The following PLPP4 variants were observed in gnomAD, a reference collection of about 807,000 sequenced individuals.
PLPP4 encodes phospholipid phosphatase 4.
A neutral mutation model predicts 32.2 loss-of-function variants in PLPP4; 20 were observed. That is an observed-to-expected ratio of 0.62 (90% CI 0.44 to 0.90). The LOEUF (loss-of-function observed/expected upper bound fraction) is 0.90. Ranked by LOEUF, PLPP4 falls within the 40% of genes least tolerant of loss-of-function variation. PLPP4 has a pLI of 0.00. For missense variants in PLPP4, 257 were observed against 353.1 expected (o/e 0.73, Z 2.18); for synonymous variants, 127 against 133.0 (o/e 0.95, Z 0.31).
chr10:120,552,323 GT>G (rs1289462513), intron 5 of PLPP4, among the ~76,000 whole-genome samples: 2 of 152,060 alleles, frequency 1.3e-5, no homozygotes, highest in African/African-American at 2.4e-5. Flanking sequence ...CTAAACTCAG[GT>G]ATTTGGCTGC....
chr10:120,461,561 A>G (rs1289448697), intron 1 of PLPP4, among the ~76,000 whole-genome samples: 3 of 152,174 alleles, frequency 2.0e-5, no homozygotes, highest in South Asian at 2.1e-4. Context: ...CAGGGTGCAC[A>G]GGTAATGGTG....
chr10:120,580,878 A>C (rs1042790572), intron 6 of PLPP4: 3 of 1,288,928 alleles, frequency 2.3e-6, no homozygotes, highest in Non-Finnish European at 3.0e-6. Flanking sequence ...AATTGATGTC[A>C]CCTCATTTTC....
chr10:120,479,798 T>G (rs1025352237), intron 1 of PLPP4, among the ~76,000 whole-genome samples: 6 of 152,224 alleles, frequency 3.9e-5, no homozygotes, highest in Non-Finnish European at 8.8e-5. Flanking sequence ...GATGAAATGG[T>G]GACAGATGGC....
intron 5 of PLPP4, among the ~76,000 whole-genome samples, chr10:120,549,126 C>T (rs1847769166): frequency 6.6e-6 from 1 of 150,510 alleles, no homozygotes; most frequent in Non-Finnish European, 1.5e-5. Context: ...TTAATGAAAT[C>T]AATAAACTCC....
At chr10:120,574,164 ACACACTCTCTCTCTCT>A (rs1303660793) in intron 5 of PLPP4, among the ~76,000 whole-genome samples, 74 of 67,644 alleles carry the variant, frequency 1.1e-3, no homozygotes, top group East Asian at 3.9e-3. Context: ...ACACACACAC[ACACACTCTCTCTCTCT>A]CTCTCTCTCT....
chr10:120,493,684 G>A (rs894572051), intron 1 of PLPP4, among the ~76,000 whole-genome samples: 3 of 152,278 alleles, frequency 2.0e-5, no homozygotes, highest in Non-Finnish European at 4.4e-5. Context: ...GTGTGTTTAG[G>A]AGGGTACAGC....
intron 2 of PLPP4, among the ~76,000 whole-genome samples, chr10:120,512,538 A>G: frequency 6.6e-6 from 1 of 152,196 alleles, no homozygotes; most frequent in East Asian, 1.9e-4. Context: ...TTTGAGCTCT[A>G]GCAGTCTGGT....
intron 5 of PLPP4, among the ~76,000 whole-genome samples, chr10:120,555,356 T>C (rs904984682): frequency 6.6e-6 from 1 of 152,212 alleles, no homozygotes; most frequent in Non-Finnish European, 1.5e-5. Context: ...AATCACATTT[T>C]GTATTTTCCT....
chr10:120,589,422 T>G lies in PLPP4; in HGVS notation c.736T>G (p.Ser246Ala), dbSNP rs745778794. 1 of 1,614,016 alleles carries G rather than the reference T, an allele frequency of 6.2e-7. No homozygotes were observed. Among genetic ancestry groups the G allele is most frequent in the Non-Finnish European group, 8.5e-7 (1 of 1,179,966 alleles). ...CTACGTTAGTCTGCGAGTCCCAGCC[T>G]CACTGAAGAAAGAGGAGAGGCCCAC... ...KPYVSLRVPA[S>A]LKKEERPTAD... The change falls in exon 7 of 7, where the codon TCA becomes GCA. Residue 246 changes from serine (S) to alanine (A), a missense_variant. Transcript: ENST00000398250.
intron 5 of PLPP4, among the ~76,000 whole-genome samples, chr10:120,539,753 CA>C (rs1225702874): frequency 1.3e-5 from 2 of 152,180 alleles, no homozygotes; most frequent in African/African-American, 4.8e-5. Context: ...TGTTCTCTTT[CA>C]TGGGCTCTCC....
intron 1 of PLPP4, among the ~76,000 whole-genome samples, chr10:120,503,236 T>C (rs1193859559): frequency 6.6e-6 from 1 of 152,192 alleles, no homozygotes; most frequent in Non-Finnish European, 1.5e-5. Context: ...CCTCTCCAAC[T>C]GCATCTGAAG....
At chr10:120,547,380 G>A (rs1465384500) in intron 5 of PLPP4, among the ~76,000 whole-genome samples, 2 of 152,080 alleles carry the variant, frequency 1.3e-5, no homozygotes, top group East Asian at 1.9e-4. Flanking sequence ...ACTTGCAAGC[G>A]ATGCTTCCCA....
At chr10:120,564,787 C>A (rs1176100849) in intron 5 of PLPP4, among the ~76,000 whole-genome samples, 2 of 151,854 alleles carry the variant, frequency 1.3e-5, no homozygotes, top group African/African-American at 4.8e-5. Context: ...GAATTGTATT[C>A]ATTAATATTT....
At chr10:120,476,241 C>T (rs988756471) in intron 1 of PLPP4, among the ~76,000 whole-genome samples, 2 of 152,212 alleles carry the variant, frequency 1.3e-5, no homozygotes, top group Non-Finnish European at 2.9e-5. Context: ...CTCCAGCTCT[C>T]CAGCCCCAGG....
chr10:120,508,854 T>A (rs1845613370), intron 2 of PLPP4, among the ~76,000 whole-genome samples: 2 of 152,224 alleles, frequency 1.3e-5, no homozygotes, highest in South Asian at 4.1e-4. Flanking sequence ...ATCCTATGTG[T>A]CTGGTGACAA....
intron 1 of PLPP4, among the ~76,000 whole-genome samples, chr10:120,489,115 G>A (rs981051765): frequency 7.9e-5 from 12 of 152,166 alleles, no homozygotes; most frequent in Admixed American, 2.6e-4. Flanking sequence ...AATAAGGAGC[G>A]GTTCAGGCAG....
chr10:120,472,147 T>A (rs1379200798), intron 1 of PLPP4, among the ~76,000 whole-genome samples: 1 of 152,106 alleles, frequency 6.6e-6, no homozygotes, highest in East Asian at 1.9e-4. Context: ...TTTTAAAAAA[T>A]TTACCAACAT....
At chr10:120,521,232 G>C in intron 5 of PLPP4, 137 bp downstream of exon 5, 1 of 1,083,294 alleles carries the variant, frequency 9.2e-7, no homozygotes, top group Non-Finnish European at 1.3e-6. Flanking sequence ...TACGGCGTTT[G>C]ACTTAGAAAC....
rs1335180767 is a variant in PLPP4, at chr10:120,457,271, C to T, written c.-35C>T. On this transcript the variant is annotated 5_prime_UTR_variant, in exon 1 of 7. Coordinates refer to ENST00000398250, the MANE Select transcript of PLPP4 (RefSeq NM_001030059.3). The stretch of plus-strand genomic sequence containing the variant: ...CGAGCTGCGGGAGCCGCGGAGAGCA[C>T]CAGCTGACGCCGCGGGAGCTGCTCC... 34 of 1,467,948 alleles carry T rather than the reference C, an allele frequency of 2.3e-5. No individual in the cohort carries two copies. Among genetic ancestry groups the T allele is most frequent in the Non-Finnish European group, 3.0e-5 (33 of 1,102,630 alleles). The allele number at this position is 1,467,948 out of a possible 1,614,324, so 90.9% of individuals were successfully genotyped here.
Sources: gnomAD v4.1 joint callset for allele counts (sites outside exome capture counted in the v4.1 genomes callset) on GRCh38, gnomAD v4.1.1 for gene constraint, MANE v1.5 for transcripts, NCBI Gene and HGNC (gene_info 2026-07-23, HGNC 2026-07-21) for gene names.